Variants in TAMM41 observed in about 807,000 individuals in gnomAD.
TAMM41 encodes the protein TAM41 mitochondrial translocator assembly and maintenance homolog.
A neutral mutation model predicts 44.1 loss-of-function variants in TAMM41; 36 were observed. That is an observed-to-expected ratio of 0.82 (90% confidence interval 0.63 to 1.08). The LOEUF is 1.08. TAMM41 is among the 50% of genes least tolerant of loss of function. The probability of loss-of-function intolerance (pLI) is 0.00; values close to 1 mark genes in which losing one functional copy is unlikely to be tolerated. For synonymous variants in TAMM41, 164 were observed against 153.1 expected (o/e 1.07, Z -0.53); for missense variants, 417 against 404.3 (o/e 1.03, Z -0.27).
chr3:11,809,445 C>T, intron 6 of TAMM41, 72 bp downstream of exon 6: 3 of 1,550,712 alleles, frequency 1.9e-6, no homozygotes, highest in Non-Finnish European at 2.6e-6. Flanking sequence ...AGAAATAATA[C>T]ATTCCAATCA....
At chr3:11,805,007 T>C (rs1273941711) in intron 7 of TAMM41, among the ~76,000 whole-genome samples, 1 of 138,528 alleles carries the variant, frequency 7.2e-6, no homozygotes, top group African/African-American at 2.7e-5. Context: ...TTTTTTTTTT[T>C]TTTTTTTTTT....
rs1281676245 is a variant in TAMM41, at chr3:11,817,351, A to T, written c.563-14T>A. On this transcript the variant is annotated splice_polypyrimidine_tract_variant and intron_variant, in intron 4 of 7. Coordinates refer to ENST00000455809, the MANE Select transcript of TAMM41 (RefSeq NM_001284401.2). Reference sequence around the variant, plus strand: ...TCCGAAAGTCACCTAGTTAAAACAAAGAGATAAACACATCTTCCATTAAGA... The same window carrying T: ...TCCGAAAGTCACCTAGTTAAAACAATGAGATAAACACATCTTCCATTAAGA... 2 of 1,599,940 alleles carry T rather than the reference A, an allele frequency of 1.3e-6. No homozygotes were observed. The highest frequency in any genetic ancestry group is 2.2e-5 in the South Asian group (2 of 90,366).
chr3:11,750,301 A>G, the TAMM41 span, among the ~76,000 whole-genome samples: 1 of 149,676 alleles, frequency 6.7e-6, no homozygotes, highest in African/African-American at 2.5e-5. Context: ...CTCTACAGTA[A>G]CCCTCAGGTT....
chr3:11,817,072 GTACT>G (rs1366684728), intron 5 of TAMM41, 116 bp downstream of exon 5: 26 of 1,065,554 alleles, frequency 2.4e-5, no homozygotes, highest in Middle Eastern at 2.1e-4. Flanking sequence ...TTTACATACA[GTACT>G]TACTTTTTAA....
At chr3:11,832,977 G>C in intron 3 of TAMM41, 1 of 1,019,616 alleles carries the variant, frequency 9.8e-7, no homozygotes, top group Middle Eastern at 3.1e-4. Flanking sequence ...TTAAGATTAA[G>C]AGGATGAAAA....
intron 7 of TAMM41, among the ~76,000 whole-genome samples, chr3:11,791,982 CA>C (rs1212718572): frequency 1.3e-5 from 2 of 152,052 alleles, no homozygotes; most frequent in African/African-American, 4.8e-5. Context: ...CAGCCAGAAC[CA>C]ACCAAAAGAC....
intron 3 of TAMM41, 182 bp from the exon 4 acceptor site, chr3:11,830,046 A>G: frequency 1.8e-6 from 1 of 560,538 alleles, no homozygotes; most frequent in Non-Finnish European, 3.1e-6. Flanking sequence ...TTTTATGCCA[A>G]GGTCAAAGAA....
At chr3:11,842,124 T>C (rs303859) in intron 2 of TAMM41, among the ~76,000 whole-genome samples, 101,210 of 151,904 alleles carry the variant, frequency 0.67, 35,843 homozygotes, top group Middle Eastern at 0.88. Flanking sequence ...AATGCAGAAT[T>C]ACGCCTGTAA....
chr3:11,795,991 C>T (rs1283610373), intron 7 of TAMM41, among the ~76,000 whole-genome samples: 3 of 152,142 alleles, frequency 2.0e-5, no homozygotes, highest in East Asian at 3.8e-4. Context: ...GAAATTAAAA[C>T]GATTTGCTAA....
chr3:11,839,170 T>C (rs369798104), intron 3 of TAMM41, 52 bp downstream of exon 3: 2 of 1,160,676 alleles, frequency 1.7e-6, no homozygotes, highest in African/African-American at 3.1e-5. Context: ...AAAGTAAGGT[T>C]AGGCTCAGAG....
chr3:11,767,798 G>T, the TAMM41 span, among the ~76,000 whole-genome samples: 12 of 150,286 alleles, frequency 8.0e-5, no homozygotes, highest in African/African-American at 2.9e-4. Flanking sequence ...GCTAATTTTT[G>T]AATTTTAGTA....
chr3:11,772,342 A>G, the TAMM41 span, among the ~76,000 whole-genome samples: 1 of 151,722 alleles, frequency 6.6e-6, no homozygotes, highest in Non-Finnish European at 1.5e-5. Context: ...TGGCCTCCCA[A>G]AGTGCTGGGA....
rs754418744 is a variant in TAMM41 at position 11,817,350 on chromosome 3, AAG to A, written c.563-15_563-14del. On this transcript the variant is annotated splice_polypyrimidine_tract_variant and intron_variant, in intron 4 of 7. Coordinates refer to ENST00000455809, the MANE Select transcript of TAMM41 (RefSeq NM_001284401.2). ...ATCCGAAAGTCACCTAGTTAAAACAAAGAGATAAACACATCTTCCATTAAGAA... is the reference window on the plus strand; with the variant it reads ...ATCCGAAAGTCACCTAGTTAAAACAAAGATAAACACATCTTCCATTAAGAA... 1.2e-6 allele frequency: 2 copies of A among 1,602,960 alleles called. No individual in the cohort carries two copies.
the TAMM41 span, among the ~76,000 whole-genome samples, chr3:11,764,486 CTT>C: frequency 1.6e-4 from 11 of 68,134 alleles, no homozygotes; most frequent in Middle Eastern, 0.014. Context: ...TAATCTTATT[CTT>C]TTTTTTTTTT....
In TAMM41 at chr3:11,829,639, G is replaced by A. The variant is rs564883643; in HGVS notation, c.562+75C>T. 8.5e-6 allele frequency: 13 copies of A among 1,538,440 alleles called. No homozygotes were observed. In the African/African-American group the frequency reaches 1.8e-4, roughly 21 times the overall value. Reference sequence around the variant, plus strand: ...AAGACTGTAGCAGCTCCAGGGCCGAGTGAGAACAGGATATCCGCAGTCTTC... The same window carrying A: ...AAGACTGTAGCAGCTCCAGGGCCGAATGAGAACAGGATATCCGCAGTCTTC... On this transcript the variant is annotated intron_variant, in intron 4 of 7. Transcript: ENST00000455809.
At chr3:11,759,224 T>C in the TAMM41 span, among the ~76,000 whole-genome samples, 1 of 152,116 alleles carries the variant, frequency 6.6e-6, no homozygotes, top group African/African-American at 2.4e-5. Context: ...TCGGCACTAC[T>C]CAGCCCCACT....
At chr3:11,756,851 G>A in the TAMM41 span, among the ~76,000 whole-genome samples, 1 of 138,746 alleles carries the variant, frequency 7.2e-6, no homozygotes, top group African/African-American at 2.8e-5. Flanking sequence ...GGCAACAAGA[G>A]CGAAATTCCG....
intron 4 of TAMM41, among the ~76,000 whole-genome samples, chr3:11,818,897 CA>C (rs11419189): frequency 0.011 from 1,097 of 97,006 alleles, 11 homozygotes; most frequent in African/African-American, 0.019. Flanking sequence ...GACTCCATCT[CA>C]AAAAAAAAAA....
intron 3 of TAMM41, among the ~76,000 whole-genome samples, chr3:11,838,963 A>T (rs1241065682): frequency 6.6e-6 from 1 of 152,204 alleles, no homozygotes; most frequent in Non-Finnish European, 1.5e-5. Context: ...AGACCCTCTC[A>T]TCCCTAACAC....
Sources: allele counts gnomAD v4.1 joint callset (sites outside exome capture counted in the v4.1 genomes callset), GRCh38; gene constraint gnomAD v4.1.1; transcripts MANE v1.5; gene names NCBI Gene and HGNC (gene_info 2026-07-23, HGNC 2026-07-21).